Variants in PUM1 observed in about 807,000 individuals in gnomAD.
The protein encoded by PUM1 is pumilio homolog 1.
Under a neutral mutation model 131.8 loss-of-function variants are expected in PUM1, and 13 were observed. The ratio of observed to expected loss-of-function variants is 0.10; its 90% confidence interval spans 0.06 to 0.16. PUM1 has a LOEUF of 0.16. PUM1 is among the 10% of genes least tolerant of loss of function. The probability of loss-of-function intolerance (pLI) is 1.00; values close to 1 mark genes in which losing one functional copy is unlikely to be tolerated. For missense variants in PUM1, 961 were observed against 1,512.4 expected, an observed-to-expected ratio of 0.64 and a Z score of 6.05; for synonymous variants, 509 against 556.5, an observed-to-expected ratio of 0.91 and a Z score of 1.20.
In PUM1 at chr1:31,026,214, C is replaced by T. The variant is rs570825093; in HGVS notation, c.432+2582G>A. Among the ~76,000 whole-genome samples the T allele has an allele frequency of 5.3e-5, 8 of 151,728 alleles. No individual in the cohort carries two copies. In the South Asian group the frequency reaches 1.0e-3, roughly 20 times the overall value. On this transcript the variant is annotated intron_variant, in intron 3 of 21. Transcript: ENST00000426105. ...GAGGTTACAGTGAGCCGAGATTGTG[C>T]CACTTCACTCTAGCCTGGGTGACAG...
intron 2 of PUM1, among the ~76,000 whole-genome samples, chr1:31,058,380 G>T (rs554187251): frequency 9.8e-5 from 15 of 152,300 alleles, no homozygotes; most frequent in Admixed American, 7.9e-4. Flanking sequence ...TGCGTTGTAG[G>T]CCGGGCGCAG....
chr1:31,057,724 C>CAAAAAAAAAAAAAAAAAAAAA (rs58490041), intron 2 of PUM1, among the ~76,000 whole-genome samples: 2 of 72,484 alleles, frequency 2.8e-5, no homozygotes, highest in Non-Finnish European at 4.8e-5. Context: ...GACTCCATCT[C>CAAAAAAAAAAAAAAAAAAAAA]AAAAAAAAAA....
chr1:30,933,473 CACACACACACA>C (rs1639054464), intron 21 of PUM1, 131 bp from the exon 22 acceptor site: 27 of 860,018 alleles, frequency 3.1e-5, no homozygotes, highest in African/African-American at 8.5e-5. Flanking sequence ...CACACACACA[CACACACACACA>C]CCCCTACAGC....
chr1:30,931,562 T>C lies in PUM1; in HGVS notation c.*1649A>G, dbSNP rs1189392699. 1 of 152,570 alleles carries C rather than the reference T, an allele frequency of 6.6e-6. No individual in the cohort carries two copies. 9.5% of individuals were successfully genotyped at this position (152,570 alleles called of 1,614,324 possible). A position where few individuals can be genotyped will look rare whatever the true frequency, so the allele number is the denominator to read the frequency against. On this transcript the variant is annotated 3_prime_UTR_variant, in exon 22 of 22. Transcript: ENST00000426105. ...AAGATCACACATTGTTTAGAGACAA[T>C]CTACACAAGAGTTACAAAAAATAGT...
At position 30,987,412 on chromosome 1, in the gene PUM1, C is replaced by T. The variant is rs189455549; in HGVS notation, c.1158+4978G>A. 1.7e-4 allele frequency among the ~76,000 whole-genome samples: 26 copies of T among 152,102 alleles called. No individual in the cohort carries two copies. In the East Asian group the frequency reaches 4.8e-3, roughly 28 times the overall value. ...GGATTTCACCATATTGGCCAGGCTGCTCTCGAACTCCTGACCTCATGATCT... is the reference window on the plus strand; with the variant it reads ...GGATTTCACCATATTGGCCAGGCTGTTCTCGAACTCCTGACCTCATGATCT... On this transcript the variant is annotated intron_variant, in intron 7 of 21. Transcript: ENST00000426105.
chr1:31,048,785 AT>A (rs1644034096), intron 2 of PUM1, among the ~76,000 whole-genome samples: 1 of 151,940 alleles, frequency 6.6e-6, no homozygotes, highest in Non-Finnish European at 1.5e-5. Flanking sequence ...ATCAGGGTAA[AT>A]TCTATAACCC....
chr1:31,056,063 T>C (rs2124598235), intron 2 of PUM1, among the ~76,000 whole-genome samples: 1 of 152,286 alleles, frequency 6.6e-6, no homozygotes, highest in African/African-American at 2.4e-5. Context: ...ACCTCCTACC[T>C]TGATTTCCTG....
chr1:31,055,261 T>C lies in PUM1; in HGVS notation c.363+3943A>G, dbSNP rs1644210863. ...CTGCCTATCAAGTGGCCTCTACCTG[T>C]TGCCATGTGTTTCCCAGCAGGATGA... On this transcript the variant is annotated intron_variant, in intron 2 of 21. Coordinates refer to ENST00000426105, the MANE Select transcript of PUM1 (RefSeq NM_001020658.2). 1.1e-5 allele frequency: 5 copies of C among 447,714 alleles called. 1 individual carries two copies. The highest frequency in any genetic ancestry group is 6.3e-5 in the South Asian group (4 of 63,018). 27.7% of individuals were successfully genotyped at this position (447,714 alleles called of 1,614,324 possible). A position where few individuals can be genotyped will look rare whatever the true frequency, so the allele number is the denominator to read the frequency against.
intron 10 of PUM1, among the ~76,000 whole-genome samples, chr1:30,971,250 G>A (rs539385749): frequency 6.6e-6 from 1 of 152,234 alleles, no homozygotes; most frequent in African/African-American, 2.4e-5. Flanking sequence ...AAGGCCAACA[G>A]CAAAGTTTAA....
chr1:30,981,213 C>A (rs1641343498), intron 8 of PUM1, 99 bp downstream of exon 8: 2 of 697,946 alleles, frequency 2.9e-6, no homozygotes, highest in East Asian at 3.0e-5. Context: ...TTTGTCTGAA[C>A]TTTTATAATC....
intron 3 of PUM1, 73 bp from the exon 4 acceptor site, chr1:31,007,175 T>C (rs2124510720): frequency 8.7e-7 from 1 of 1,152,600 alleles, no homozygotes; most frequent in East Asian, 2.3e-5. Flanking sequence ...ACACTTTCTT[T>C]TAGACAAGGG....
chr1:31,042,977 C>T (rs1221350064), intron 2 of PUM1, among the ~76,000 whole-genome samples: 3 of 152,128 alleles, frequency 2.0e-5, no homozygotes, highest in Admixed American at 2.0e-4. Flanking sequence ...GATCCACTTG[C>T]CTCATGTGCT....
At chr1:30,976,148 T>C (rs72884074) in intron 9 of PUM1, among the ~76,000 whole-genome samples, 42,148 of 151,662 alleles carry the variant, frequency 0.28, 7,475 homozygotes, top group East Asian at 0.53. Context: ...TTCATTTTCC[T>C]TGGCAACAAA....
At chr1:30,997,105 C>A (rs554173551) in intron 5 of PUM1, among the ~76,000 whole-genome samples, 1 of 152,306 alleles carries the variant, frequency 6.6e-6, no homozygotes, top group South Asian at 2.1e-4. Flanking sequence ...CAAGAATCAT[C>A]CCACTGCCAC....
chr1:30,965,928 G>C, intron 13 of PUM1, 54 bp downstream of exon 13: 7 of 1,528,422 alleles, frequency 4.6e-6, no homozygotes, highest in Non-Finnish European at 5.3e-6. Flanking sequence ...ATTCCAGAAG[G>C]ATTGTAAAAA....
intron 17 of PUM1, among the ~76,000 whole-genome samples, chr1:30,947,406 G>A (rs931941029): frequency 6.6e-6 from 1 of 152,192 alleles, no homozygotes; most frequent in African/African-American, 2.4e-5. Flanking sequence ...AGAGTCAGCA[G>A]GAATGGTTCT....
chr1:31,014,991 G>A (rs943785569), intron 3 of PUM1, among the ~76,000 whole-genome samples: 1 of 152,010 alleles, frequency 6.6e-6, no homozygotes, highest in Middle Eastern at 3.2e-3. Flanking sequence ...AAGCAAACAA[G>A]TTGTAGTACA....
intron 14 of PUM1, among the ~76,000 whole-genome samples, chr1:30,963,714 G>A (rs137936748): frequency 6.6e-6 from 1 of 152,324 alleles, no homozygotes; most frequent in East Asian, 1.9e-4. Flanking sequence ...GTTAAGAACA[G>A]AATCTTCTTG....
chr1:31,062,148 C>T (rs774901924), intron 1 of PUM1, among the ~76,000 whole-genome samples: 124 of 152,202 alleles, frequency 8.1e-4, no homozygotes, highest in Non-Finnish European at 1.4e-3. Flanking sequence ...AAGCTTACTT[C>T]TTTCTACTAA....
Sources: gnomAD v4.1 joint callset for allele counts (sites outside exome capture counted in the v4.1 genomes callset) on GRCh38, gnomAD v4.1.1 for gene constraint, MANE v1.5 for transcripts, NCBI Gene and HGNC (gene_info 2026-07-23, HGNC 2026-07-21) for gene names.